The following PDE10A variants were observed in gnomAD, a reference collection of about 807,000 sequenced individuals.
The protein encoded by PDE10A is cAMP and cAMP-inhibited cGMP 3',5'-cyclic phosphodiesterase 10A.
Under a neutral mutation model 97.7 loss-of-function variants are expected in PDE10A, and 39 were observed. The ratio of observed to expected loss-of-function variants is 0.40; its 90% CI spans 0.31 to 0.52. The LOEUF is 0.52. PDE10A is among the 20% of genes least tolerant of loss of function. PDE10A has a pLI of 0.56. For missense variants in PDE10A, 731 were observed against 1,047.8 expected, an observed-to-expected ratio of 0.70 and a Z score of 4.17; for synonymous variants, 371 against 376.8, an observed-to-expected ratio of 0.98 and a Z score of 0.18.
At chr6:165,702,985 C>A (rs1270469877) in intron 1 of PDE10A, among the ~76,000 whole-genome samples, 1 of 152,212 alleles carries the variant, frequency 6.6e-6, no homozygotes. Context: ...GTTGGAGTCC[C>A]CTGTTCTTCC....
rs576203245 is a variant in PDE10A at position 165,779,303 on chromosome 6, A to G, written c.-615+208226T>C. Reference sequence around the variant, plus strand: ...TTTCACTTCAACAGAAAAACAAGTCATTGTTTAGTTTAAAATAATGGAAAA... The same window carrying G: ...TTTCACTTCAACAGAAAAACAAGTCGTTGTTTAGTTTAAAATAATGGAAAA... On this transcript the variant is annotated intron_variant, in intron 1 of 19. Coordinates refer to the PDE10A transcript ENST00000366882. Among the ~76,000 whole-genome samples, 90 of 89,618 alleles carry G rather than the reference A, an allele frequency of 1.0e-3. 1 individual carries two copies. The South Asian group carries it at 0.024, about 24-fold the overall frequency. The allele number at this position is 89,618 out of a possible 152,430, so 58.8% of individuals were successfully genotyped here.
At chr6:165,806,506 A>G (rs547742469) in intron 1 of PDE10A, among the ~76,000 whole-genome samples, 1 of 152,238 alleles carries the variant, frequency 6.6e-6, no homozygotes, top group Admixed American at 6.5e-5. Context: ...CTGTCTCCAC[A>G]GTTTCTGAGC....
chr6:165,861,453 T>C (rs1351844194), intron 1 of PDE10A, among the ~76,000 whole-genome samples: 3 of 151,260 alleles, frequency 2.0e-5, no homozygotes, highest in Non-Finnish European at 4.4e-5. Flanking sequence ...TGTCAGGTGC[T>C]GGAGGAGAGG....
intron 1 of PDE10A, among the ~76,000 whole-genome samples, chr6:165,678,793 AATGAGC>A (rs1204373768): frequency 6.6e-6 from 1 of 152,200 alleles, no homozygotes. Context: ...TTGAATGATA[AATGAGC>A]ATGCACATTC....
chr6:165,686,202 C>T (rs567874601), intron 1 of PDE10A, among the ~76,000 whole-genome samples: 1 of 151,794 alleles, frequency 6.6e-6, no homozygotes, highest in East Asian at 1.9e-4. Flanking sequence ...CAATGAGGTG[C>T]ATCCATGACA....
chr6:165,799,210 G>A (rs1234593819), intron 1 of PDE10A, among the ~76,000 whole-genome samples: 1 of 152,130 alleles, frequency 6.6e-6, no homozygotes, highest in African/African-American at 2.4e-5. Context: ...TCTGGCTTCC[G>A]GAGTGAATGA....
intron 11 of PDE10A, among the ~76,000 whole-genome samples, chr6:165,417,919 G>A (rs1000167341): frequency 3.3e-5 from 5 of 152,160 alleles, no homozygotes; most frequent in Non-Finnish European, 5.9e-5. Context: ...TGAGTTAAAC[G>A]AGACACATAC....
At chr6:165,545,485 T>C (rs897457022) in intron 1 of PDE10A, among the ~76,000 whole-genome samples, 13 of 152,074 alleles carry the variant, frequency 8.5e-5, no homozygotes, top group African/African-American at 3.1e-4. Context: ...TCATTTCATC[T>C]TAGTGCATTA....
rs558504221 is a variant in PDE10A at position 165,472,066 on chromosome 6, T to C, written c.1023+10249A>G. ...TTTTCCTAGCACACTTCATATAATGTAGAAATTTTCTCCTCTTTAATGTTT... is the reference window on the plus strand; with the variant it reads ...TTTTCCTAGCACACTTCATATAATGCAGAAATTTTCTCCTCTTTAATGTTT... On this transcript the variant is annotated intron_variant, in intron 3 of 21. Transcript: ENST00000539869. Among the ~76,000 whole-genome samples, 3 of 152,286 alleles carry C rather than the reference T, an allele frequency of 2.0e-5. No homozygotes were observed. The South Asian group carries it at 6.2e-4, about 32-fold the overall frequency.
chr6:165,937,293 C>T (rs982507536), intron 1 of PDE10A, among the ~76,000 whole-genome samples: 2 of 152,112 alleles, frequency 1.3e-5, no homozygotes, highest in African/African-American at 4.8e-5. Context: ...CTTTTTTCCC[C>T]CAAAGTACAA....
intron 1 of PDE10A, among the ~76,000 whole-genome samples, chr6:165,637,743 C>T (rs1303130963): frequency 6.6e-6 from 1 of 152,146 alleles, no homozygotes; most frequent in African/African-American, 2.4e-5. Context: ...GTTTCCCCGG[C>T]ACAGGCGGGG....
rs190845597 is a variant in PDE10A at position 165,686,421 on chromosome 6, C to G, written c.-614-142853G>C. 1.6e-3 allele frequency among the ~76,000 whole-genome samples: 238 copies of G among 152,284 alleles called. 4 individuals carry two copies. The highest frequency in any genetic ancestry group is 0.014 in the Admixed American group (217 of 15,300). ...TGCAGCGCTTGTTGTTGTTGGATGT[C>G]TCTTTTACTTTCCGCCTTCAGGTGT... On this transcript the variant is annotated intron_variant, in intron 1 of 19. Transcript: ENST00000366882.
chr6:165,394,550 T>C (rs777595631), intron 15 of PDE10A, among the ~76,000 whole-genome samples: 2 of 152,160 alleles, frequency 1.3e-5, no homozygotes, highest in Non-Finnish European at 2.9e-5. Context: ...GTCTTTATAG[T>C]AGAGTGATTT....
chr6:165,605,368 T>C (rs1002065042), intron 1 of PDE10A, among the ~76,000 whole-genome samples: 1 of 152,228 alleles, frequency 6.6e-6, no homozygotes, highest in Non-Finnish European at 1.5e-5. Context: ...GGACTGCCCG[T>C]GGCACCTGCA....
At chr6:165,727,796 T>C (rs184912057) in intron 1 of PDE10A, among the ~76,000 whole-genome samples, 1 of 152,386 alleles carries the variant, frequency 6.6e-6, no homozygotes, top group Admixed American at 6.5e-5. Context: ...AATAATCATG[T>C]TTCCAAAGAA....
chr6:165,600,478 C>T lies in PDE10A; in HGVS notation c.866-56910G>A, dbSNP rs148972711. Reference sequence around the variant, plus strand: ...CAAATTGTGTGTGTGTGGCTGTGCACGCACATACACATACACATGTAAATG... The same window carrying T: ...CAAATTGTGTGTGTGTGGCTGTGCATGCACATACACATACACATGTAAATG... On this transcript the variant is annotated intron_variant, in intron 1 of 21. Coordinates refer to ENST00000539869, the MANE Select transcript of PDE10A (RefSeq NM_001385079.1). 4.3e-3 allele frequency among the ~76,000 whole-genome samples: 649 copies of T among 152,356 alleles called. 7 individuals are homozygous for T. Among genetic ancestry groups the T allele is most frequent in the African/African-American group, 0.015 (616 of 41,590 alleles).
rs145321671 is a variant in PDE10A at position 165,814,398 on chromosome 6, G to A, written c.-615+173131C>T. 3.0e-4 allele frequency among the ~76,000 whole-genome samples: 45 copies of A among 152,194 alleles called. No homozygotes were observed. In the East Asian group the frequency reaches 8.3e-3, roughly 28 times the overall value. On this transcript the variant is annotated intron_variant, in intron 1 of 19. Coordinates refer to the PDE10A transcript ENST00000366882. ...ATTATGAACATCACGTGAAATAAGA[G>A]ATAAGCAAACCTCCAAAACGATTCA...
Position 165,654,330 on chromosome 6 carries a change from G to A in PDE10A, c.865+7617C>T, listed in dbSNP as rs368003569. Among the ~76,000 whole-genome samples the A allele has an allele frequency of 9.9e-5, 15 of 152,166 alleles. No individual in the cohort carries two copies. The East Asian group carries it at 1.2e-3, about 12-fold the overall frequency. On this transcript the variant is annotated intron_variant, in intron 1 of 21. Transcript: ENST00000539869. ...AAGGCTGGGCCATCACCTGGCAGCC[G>A]GCCTCCCGCTCTCCCCAACCCCACC...
At chr6:165,652,704 A>G (rs1246435782) in intron 1 of PDE10A, among the ~76,000 whole-genome samples, 2 of 152,142 alleles carry the variant, frequency 1.3e-5, no homozygotes, top group Admixed American at 1.3e-4. Flanking sequence ...ACTGCTCTTT[A>G]TGCAAAGCCG....
Sources: allele counts gnomAD v4.1 joint callset (sites outside exome capture counted in the v4.1 genomes callset), GRCh38; gene constraint gnomAD v4.1.1; transcripts MANE v1.5; gene names NCBI Gene and HGNC (gene_info 2026-07-23, HGNC 2026-07-21).